The following ADGRL3 variants were observed in gnomAD, a reference collection of about 807,000 sequenced individuals.
ADGRL3 encodes calcium-independent alpha-latrotoxin receptor 3.
ADGRL3 carries 62 observed loss-of-function variants against 153.5 expected under a neutral mutation model. The observed-to-expected ratio is 0.40, with a 90% CI of 0.33 to 0.50. The LOEUF is 0.50. Ranked by LOEUF, ADGRL3 falls within the 20% of genes least tolerant of loss-of-function variation. The pLI is 0.47. For synonymous variants in ADGRL3, 710 were observed against 672.5 expected (o/e 1.06, Z -0.86); for missense variants, 1,641 against 1,859.4 (o/e 0.88, Z 2.16).
chr4:61,276,745 A>C (rs557016009), intron 1 of ADGRL3, among the ~76,000 whole-genome samples: 9 of 152,250 alleles, frequency 5.9e-5, no homozygotes, highest in Admixed American at 5.9e-4. Context: ...GAAATTTAGA[A>C]AGAAAGCCTG....
At chr4:61,714,247 A>G (rs1580414464) in intron 6 of ADGRL3, among the ~76,000 whole-genome samples, 1 of 152,230 alleles carries the variant, frequency 6.6e-6, no homozygotes, top group East Asian at 1.9e-4. Flanking sequence ...TTAAAAATAC[A>G]TTTTGCAGTA....
intron 17 of ADGRL3, among the ~76,000 whole-genome samples, chr4:61,970,454 T>C (rs540902937): frequency 5.9e-5 from 9 of 152,144 alleles, no homozygotes; most frequent in Non-Finnish European, 1.2e-4. Context: ...GTACAACAAA[T>C]GTAGTTTTGT....
chr4:61,352,394 C>CT (rs373552031), intron 1 of ADGRL3, among the ~76,000 whole-genome samples: 1,484 of 144,966 alleles, frequency 0.01, 12 homozygotes, highest in African/African-American at 0.019. Context: ...TAAACATAAC[C>CT]TTTTTTTTTT....
In ADGRL3 at chr4:61,788,872, C is replaced by A. The variant is rs1257249380; in HGVS notation, c.1400-24937C>A. On this transcript the variant is annotated intron_variant, in intron 8 of 26. Coordinates refer to ENST00000683033, the MANE Select transcript of ADGRL3 (RefSeq NM_001387552.1). ...CCAAAATAAGATTTCAAGATATGGG[C>A]AATTGATTTCCAATAATGTCATAGT... 5.3e-5 allele frequency among the ~76,000 whole-genome samples: 8 copies of A among 152,190 alleles called. No individual in the cohort carries two copies. In the South Asian group the frequency reaches 1.7e-3, roughly 32 times the overall value.
At chr4:61,383,384 A>G (rs539258466) in intron 2 of ADGRL3, among the ~76,000 whole-genome samples, 195 bp downstream of exon 2, 104 of 151,914 alleles carry the variant, frequency 6.8e-4, no homozygotes, top group African/African-American at 2.4e-3. Flanking sequence ...TCCAAAAATC[A>G]TATTTCTTGT....
intron 17 of ADGRL3, among the ~76,000 whole-genome samples, chr4:61,977,932 C>G (rs1186452829): frequency 6.6e-6 from 1 of 152,050 alleles, no homozygotes; most frequent in Non-Finnish European, 1.5e-5. Flanking sequence ...AGGTTTTCTA[C>G]CATTGCCCCC....
chr4:61,303,394 C>T (rs757604129), intron 1 of ADGRL3, among the ~76,000 whole-genome samples: 2 of 151,742 alleles, frequency 1.3e-5, no homozygotes, highest in Non-Finnish European at 2.9e-5. Context: ...GTGCCCTGCA[C>T]ATGGAAAATA....
intron 4 of ADGRL3, among the ~76,000 whole-genome samples, chr4:61,583,229 A>G (rs1318185622): frequency 2.6e-5 from 4 of 152,042 alleles, no homozygotes; most frequent in Admixed American, 1.3e-4. Flanking sequence ...ACCCCAGTCC[A>G]TGGAGACCAA....
chr4:61,271,673 A>G (rs1297432247), intron 1 of ADGRL3, among the ~76,000 whole-genome samples: 2 of 152,028 alleles, frequency 1.3e-5, no homozygotes, highest in African/African-American at 2.4e-5. Flanking sequence ...CAGATTACTC[A>G]GAAACAGCAT....
chr4:61,874,861 T>C (rs931725978), intron 9 of ADGRL3, among the ~76,000 whole-genome samples: 17 of 129,004 alleles, frequency 1.3e-4, no homozygotes, highest in African/African-American at 4.5e-4. Flanking sequence ...GACTGCGGAC[T>C]GCAGTGGCGC....
intron 8 of ADGRL3, among the ~76,000 whole-genome samples, chr4:61,775,070 A>G (rs887911987): frequency 6.6e-6 from 1 of 152,190 alleles, no homozygotes; most frequent in South Asian, 2.1e-4. Flanking sequence ...CTTGCCTTGT[A>G]TCTATTTCCA....
intron 6 of ADGRL3, among the ~76,000 whole-genome samples, chr4:61,719,628 A>G (rs1232147156): frequency 3.6e-5 from 5 of 140,146 alleles, no homozygotes; most frequent in Non-Finnish European, 3.0e-5. Flanking sequence ...TTTAAGACAG[A>G]GTCTCACCCG....
intron 4 of ADGRL3, among the ~76,000 whole-genome samples, chr4:61,530,770 T>C (rs1054966119): frequency 5.9e-5 from 9 of 152,278 alleles, no homozygotes; most frequent in East Asian, 1.9e-4. Context: ...TATAGGTATA[T>C]GGAGAAGCAA....
intron 9 of ADGRL3, among the ~76,000 whole-genome samples, chr4:61,888,703 C>T (rs1478036027): frequency 6.6e-6 from 1 of 152,120 alleles, no homozygotes; most frequent in African/African-American, 2.4e-5. Context: ...CTCTGTGGCA[C>T]AGTTCCATGA....
chr4:62,070,964 G>A lies in ADGRL3; in HGVS notation c.*56G>A. 1.4e-6 allele frequency: 2 copies of A among 1,383,918 alleles called. No individual in the cohort carries two copies. Among genetic ancestry groups the A allele is most frequent in the South Asian group, 2.8e-5 (2 of 70,856 alleles). The allele number at this position is 1,383,918 out of a possible 1,614,324, so 85.7% of individuals were successfully genotyped here. On this transcript the variant is annotated 3_prime_UTR_variant, in exon 27 of 27. Coordinates refer to ENST00000683033, the MANE Select transcript of ADGRL3 (RefSeq NM_001387552.1). ...CTGCTAACACCTTGTTGACTGTTCT[G>A]AGTTGATATAAGCAGTGGTAATAAT...
chr4:61,581,608 C>T (rs1298447245), intron 4 of ADGRL3, among the ~76,000 whole-genome samples: 2 of 152,058 alleles, frequency 1.3e-5, no homozygotes, highest in African/African-American at 4.8e-5. Context: ...ACCTCTTTAA[C>T]TATCTCCCTC....
chr4:61,372,899 CT>C (rs1373302255), intron 1 of ADGRL3, among the ~76,000 whole-genome samples: 6 of 152,240 alleles, frequency 3.9e-5, no homozygotes. Flanking sequence ...GGGCAGGACC[CT>C]CCGAGCCAGG....
At chr4:62,018,153 T>G (rs545976615) in intron 21 of ADGRL3, among the ~76,000 whole-genome samples, 1 of 152,304 alleles carries the variant, frequency 6.6e-6, no homozygotes, top group South Asian at 2.1e-4. Context: ...TGACACACTT[T>G]AACCTGGTAG....
intron 11 of ADGRL3, among the ~76,000 whole-genome samples, chr4:61,900,894 CAT>C (rs906645440): frequency 1.9e-4 from 29 of 152,290 alleles, no homozygotes; most frequent in African/African-American, 7.0e-4. Context: ...CCTCCTGAAA[CAT>C]ATGCGGCAAA....
Sources: gnomAD v4.1 joint callset for allele counts (sites outside exome capture counted in the v4.1 genomes callset) on GRCh38, gnomAD v4.1.1 for gene constraint, MANE v1.5 for transcripts, NCBI Gene and HGNC (gene_info 2026-07-23, HGNC 2026-07-21) for gene names.